The following AMOTL1 variants were observed in gnomAD, a reference collection of about 807,000 sequenced individuals.
AMOTL1 encodes the protein angiomotin-like protein 1.
Under a neutral mutation model 102.9 loss-of-function variants are expected in AMOTL1, and 45 were observed. The ratio of observed to expected loss-of-function variants is 0.44; its 90% CI spans 0.34 to 0.56. AMOTL1 has a LOEUF of 0.56. Among genes scored for constraint, AMOTL1 ranks in the 20% least tolerant of loss-of-function variants. The probability of loss-of-function intolerance (pLI) is 0.01; values close to 1 mark genes in which losing one functional copy is unlikely to be tolerated. For synonymous variants in AMOTL1, 481 were observed against 484.7 expected, an observed-to-expected ratio of 0.99 and a Z score of 0.10; for missense variants, 1,114 against 1,225.6, an observed-to-expected ratio of 0.91 and a Z score of 1.36.
intron 2 of AMOTL1, among the ~76,000 whole-genome samples, chr11:94,733,249 T>G (rs1324722017): frequency 6.6e-6 from 1 of 152,254 alleles, no homozygotes; most frequent in Non-Finnish European, 1.5e-5. Flanking sequence ...CTGAGAAGTT[T>G]GATCCTTTTT....
In AMOTL1 at chr11:94,869,190, G is replaced by A; in HGVS notation, c.2489-8G>A. On this transcript the variant is annotated splice_region_variant and splice_polypyrimidine_tract_variant and intron_variant, in intron 11 of 12. Coordinates refer to ENST00000433060, the MANE Select transcript of AMOTL1 (RefSeq NM_130847.3). Reference sequence around the variant, plus strand: ...AAGAATGTTGAAAAATCTGTTCTCTGCCCTCAGGATTGCTGCTGGGGAAGG... The same window carrying A: ...AAGAATGTTGAAAAATCTGTTCTCTACCCTCAGGATTGCTGCTGGGGAAGG... The A allele has an allele frequency of 6.4e-7, 1 of 1,570,672 alleles. No individual in the cohort carries two copies. Among genetic ancestry groups the A allele is most frequent in the Non-Finnish European group, 8.7e-7 (1 of 1,154,114 alleles).
At chr11:94,831,399 G>T in intron 5 of AMOTL1, 53 bp from the exon 6 acceptor site, 1 of 1,430,224 alleles carries the variant, frequency 7.0e-7, no homozygotes, top group South Asian at 1.2e-5. Flanking sequence ...TTGGTTAGAT[G>T]ATGACTTCAA....
At chr11:94,774,985 A>G (rs1951004685) in intron 1 of AMOTL1, among the ~76,000 whole-genome samples, 1 of 152,214 alleles carries the variant, frequency 6.6e-6, no homozygotes, top group South Asian at 2.1e-4. Context: ...CTTGGAAGAC[A>G]TGCCACAACT....
chr11:94,760,820 A>AT (rs1002060549), intron 3 of AMOTL1, among the ~76,000 whole-genome samples: 13 of 152,144 alleles, frequency 8.5e-5, no homozygotes, highest in African/African-American at 2.9e-4. Flanking sequence ...GTAATCAATA[A>AT]TTTTTTTTGA....
chr11:94,801,948 C>T (rs932961262), intron 3 of AMOTL1, among the ~76,000 whole-genome samples: 4 of 152,154 alleles, frequency 2.6e-5, no homozygotes, highest in Admixed American at 2.0e-4. Context: ...TTTTCCCAAG[C>T]GACCTCAGTG....
rs1950675836 is a variant in AMOTL1 at position 94,753,023 on chromosome 11, C to A, written c.136+12035C>A. On this transcript the variant is annotated intron_variant, in intron 3 of 4. Coordinates refer to the AMOTL1 transcript ENST00000299004. Reference sequence around the variant, plus strand: ...TAGGCTCCTTTTATAAAAATATTTACCTGCTAGCTCTAAAAGTCATTTTCC... The same window carrying A: ...TAGGCTCCTTTTATAAAAATATTTAACTGCTAGCTCTAAAAGTCATTTTCC... Among the ~76,000 whole-genome samples, 3 of 152,156 alleles carry A rather than the reference C, an allele frequency of 2.0e-5. No homozygotes were observed. The South Asian group carries it at 6.2e-4, about 31-fold the overall frequency.
At chr11:94,822,831 T>C (rs1043061899) in intron 4 of AMOTL1, among the ~76,000 whole-genome samples, 1 of 152,112 alleles carries the variant, frequency 6.6e-6, no homozygotes, top group African/African-American at 2.4e-5. Flanking sequence ...GCAAGGGGGT[T>C]GAGCAAAGGT....
chr11:94,800,899 A>C (rs891354380), intron 3 of AMOTL1, among the ~76,000 whole-genome samples: 10 of 152,166 alleles, frequency 6.6e-5, no homozygotes, highest in Non-Finnish European at 1.5e-4. Flanking sequence ...TTCTTCCTAC[A>C]GCCTTCACTT....
Position 94,871,036 on chromosome 11 carries a change from C to A in AMOTL1, c.*241C>A. 2 of 382,604 alleles carry A rather than the reference C, an allele frequency of 5.2e-6. No homozygotes were observed. The highest frequency in any genetic ancestry group is 9.3e-6 in the Non-Finnish European group (2 of 214,082). The allele number at this position is 382,604 out of a possible 1,614,324, so 23.7% of individuals were successfully genotyped here. ...AAGAGAGAAGAGGCGTGTAGGTTTG[C>A]AAACAAAGTTAAGAAATAGGAAACT... On this transcript the variant is annotated 3_prime_UTR_variant, in exon 13 of 13. Transcript: ENST00000433060.
Position 94,792,854 on chromosome 11 carries a change from G to T in AMOTL1, c.50-2157G>T, listed in dbSNP as rs183568607. 3.0e-3 allele frequency among the ~76,000 whole-genome samples: 459 copies of T among 152,236 alleles called. 4 individuals carry two copies. The highest frequency in any genetic ancestry group is 0.01 in the African/African-American group (429 of 41,522). ...TATCTTTGGTGTCCTCTGTGCTCCG[G>T]CCCTGCTTCAAGGATTGCCCTCTTT... On this transcript the variant is annotated intron_variant, in intron 1 of 12. Transcript: ENST00000433060.
intron 1 of AMOTL1, among the ~76,000 whole-genome samples, chr11:94,727,435 G>A (rs1950279282): frequency 6.6e-6 from 1 of 152,100 alleles, no homozygotes; most frequent in South Asian, 2.1e-4. Flanking sequence ...TGGTTCAATG[G>A]CAGACTACTT....
chr11:94,715,057 G>A (rs1363365546), intron 1 of AMOTL1, among the ~76,000 whole-genome samples: 1 of 151,984 alleles, frequency 6.6e-6, no homozygotes, highest in Non-Finnish European at 1.5e-5. Context: ...TTCTGATGTT[G>A]TTTCTTCATT....
At chr11:94,802,780 A>G (rs563469641) in intron 3 of AMOTL1, among the ~76,000 whole-genome samples, 6 of 152,310 alleles carry the variant, frequency 3.9e-5, no homozygotes, top group Admixed American at 3.3e-4. Context: ...TGGGTAAACA[A>G]TATTGCATCC....
chr11:94,826,220 G>C (rs1951961030), intron 4 of AMOTL1, among the ~76,000 whole-genome samples: 1 of 152,192 alleles, frequency 6.6e-6, no homozygotes, highest in African/African-American at 2.4e-5. Flanking sequence ...TTGAATCCAG[G>C]AGGTGGAGTT....
At chr11:94,858,010 A>T (rs138623899) in intron 8 of AMOTL1, among the ~76,000 whole-genome samples, 56 of 152,230 alleles carry the variant, frequency 3.7e-4, no homozygotes, top group African/African-American at 1.2e-3. Context: ...GACCTGAATT[A>T]GGGGGGGCTA....
In AMOTL1 at chr11:94,800,161, T is replaced by A; in HGVS notation, c.971T>A (p.Val324Asp). 2 of 1,613,886 alleles carry A rather than the reference T, an allele frequency of 1.2e-6. No homozygotes were observed. Among genetic ancestry groups the A allele is most frequent in the South Asian group, 1.1e-5 (1 of 91,076 alleles). The change falls in exon 3 of 13, where the codon GTC becomes GAC. Residue 324 changes from valine to aspartate, a missense_variant. Physicochemically the swap from Val to Asp is radical, Grantham distance 152 (BLOSUM62 -3). Transcript: ENST00000433060. ...AAGACCAAGCAAATGATGTCCCCAG[T>A]CAGCAAGACCCAGGAGCACGGACTT... ...PFKTKQMMSP[V>D]SKTQEHGLFY...
chr11:94,802,961 T>C (rs1212224968), intron 3 of AMOTL1, among the ~76,000 whole-genome samples: 1 of 152,200 alleles, frequency 6.6e-6, no homozygotes. Context: ...TTGTCATTGA[T>C]CGTGATGGTT....
At chr11:94,827,799 C>G (rs1169839837) in intron 4 of AMOTL1, among the ~76,000 whole-genome samples, 2 of 152,208 alleles carry the variant, frequency 1.3e-5, no homozygotes, top group Admixed American at 6.5e-5. Context: ...CAGCCATATC[C>G]TGGCTCCTCT....
At chr11:94,785,550 TTTAAA>T (rs1422568382) in intron 1 of AMOTL1, among the ~76,000 whole-genome samples, 2 of 152,240 alleles carry the variant, frequency 1.3e-5, no homozygotes, top group Non-Finnish European at 2.9e-5. Flanking sequence ...ATATTGGTTG[TTTAAA>T]TTATGTAATT....
Sources: gnomAD v4.1 joint callset for allele counts (sites outside exome capture counted in the v4.1 genomes callset) on GRCh38, gnomAD v4.1.1 for gene constraint, MANE v1.5 for transcripts, NCBI Gene and HGNC (gene_info 2026-07-23, HGNC 2026-07-21) for gene names.